TRIM37: variants seen among roughly 807,000 people sequenced by gnomAD.
The protein encoded by TRIM37 is tripartite motif containing 37.
A neutral mutation model predicts 129.8 loss-of-function variants in TRIM37; 80 were observed. That is an observed-to-expected ratio of 0.62 (90% CI 0.51 to 0.74). TRIM37 has a LOEUF of 0.74. Ranked by LOEUF, TRIM37 falls within the 30% of genes least tolerant of loss-of-function variation. TRIM37 has a pLI of 0.00. For missense variants in TRIM37, 1,054 were observed against 1,176.5 expected (o/e 0.90, Z 1.52); for synonymous variants, 389 against 387.1 (o/e 1.00, Z -0.06).
rs2043997139 is a variant in TRIM37 at position 59,088,673 on chromosome 17, A to C, written c.165-266T>G. 2.0e-5 allele frequency among the ~76,000 whole-genome samples: 3 copies of C among 151,946 alleles called. No individual in the cohort carries two copies. The South Asian group carries it at 6.2e-4, about 32-fold the overall frequency. ...CTGGGACTACAGCAGCACACCATCAAACCCAGCTAATTTTAAAATTTTTTG... is the reference window on the plus strand; with the variant it reads ...CTGGGACTACAGCAGCACACCATCACACCCAGCTAATTTTAAAATTTTTTG... On this transcript the variant is annotated intron_variant, in intron 3 of 23. Coordinates refer to ENST00000262294, the MANE Select transcript of TRIM37 (RefSeq NM_015294.6).
At chr17:59,001,872 A>C (rs1306651577) in intron 22 of TRIM37, 158 bp from the exon 23 acceptor site, 5 of 1,009,380 alleles carry the variant, frequency 5.0e-6, no homozygotes, top group Non-Finnish European at 7.3e-6. Context: ...AGACAAAAGT[A>C]ACCGCACAAA....
intron 2 of TRIM37, among the ~76,000 whole-genome samples, chr17:59,103,466 T>G (rs1029095811): frequency 1.4e-5 from 2 of 145,466 alleles, no homozygotes; most frequent in African/African-American, 5.1e-5. Flanking sequence ...CTCAGCCTCC[T>G]GAGTAGCTGG....
At chr17:59,008,199 TCTGGAGGTAAA>T (rs1292095480) in intron 22 of TRIM37, among the ~76,000 whole-genome samples, 1 of 152,196 alleles carries the variant, frequency 6.6e-6, no homozygotes, top group African/African-American at 2.4e-5. Flanking sequence ...ATCCTGGGAC[TCTGGAGGTAAA>T]CAAGCTGTTC....
chr17:59,071,271 G>GT (rs747183880), intron 8 of TRIM37, among the ~76,000 whole-genome samples: 30 of 150,120 alleles, frequency 2.0e-4, no homozygotes, highest in Admixed American at 7.3e-4. Context: ...GAACAAACCG[G>GT]TAAGTTGAAA....
chr17:59,082,159 T>G (rs746420580), intron 5 of TRIM37, among the ~76,000 whole-genome samples: 16 of 151,588 alleles, frequency 1.1e-4, no homozygotes, highest in Non-Finnish European at 2.4e-4. Flanking sequence ...TAATCCCAGC[T>G]ACTCAGGAGG....
chr17:59,027,539 C>G (rs752247401), intron 19 of TRIM37, among the ~76,000 whole-genome samples: 4 of 152,120 alleles, frequency 2.6e-5, no homozygotes, highest in African/African-American at 4.8e-5. Flanking sequence ...GAACAAGCCC[C>G]TCTATCCATT....
intron 20 of TRIM37, among the ~76,000 whole-genome samples, chr17:59,016,326 G>A (rs948769338): frequency 2.0e-5 from 3 of 150,242 alleles, no homozygotes; most frequent in South Asian, 2.1e-4. Flanking sequence ...CACGGCGGGC[G>A]GAGGTTGCGG....
chr17:58,973,373 C>T, the TRIM37 span, among the ~76,000 whole-genome samples: 20 of 149,912 alleles, frequency 1.3e-4, no homozygotes, highest in Admixed American at 2.7e-4. Context: ...GTGGAGATCG[C>T]GCCATTGCAC....
Position 59,106,833 on chromosome 17 carries a change from A to C in TRIM37, c.-372T>G. On this transcript the variant is annotated 5_prime_UTR_variant, in exon 1 of 24. Transcript: ENST00000262294. ...AAGGTGCCGCAGAGAATTCGCAAAC[A>C]CCAACCGTAACCAGAGCAGCTGGGG... The C allele has an allele frequency of 7.2e-6, 3 of 413,806 alleles. No homozygotes were observed. Among genetic ancestry groups the C allele is most frequent in the South Asian group, 2.7e-5 (1 of 37,070 alleles). 25.6% of individuals were successfully genotyped at this position (413,806 alleles called of 1,614,324 possible).
At chr17:59,087,301 G>A (rs1048369594) in intron 4 of TRIM37, among the ~76,000 whole-genome samples, 1 of 151,866 alleles carries the variant, frequency 6.6e-6, no homozygotes, top group South Asian at 2.1e-4. Flanking sequence ...CTCCATGTTG[G>A]CCAGGCTGGT....
chr17:59,091,137 G>A (rs2044264326), intron 3 of TRIM37, among the ~76,000 whole-genome samples, 163 bp downstream of exon 3: 1 of 151,888 alleles, frequency 6.6e-6, no homozygotes, highest in Non-Finnish European at 1.5e-5. Flanking sequence ...ACATGAATTA[G>A]TCCCTGCATT....
Position 59,054,238 on chromosome 17 carries a change from C to G in TRIM37, c.1199+2637G>C, listed in dbSNP as rs2040616010. Among the ~76,000 whole-genome samples the G allele has an allele frequency of 2.0e-5, 3 of 152,282 alleles. No homozygotes were observed. The South Asian group carries it at 6.2e-4, about 32-fold the overall frequency. ...CATATTTTAATCTTTTTTAAATATT[C>G]AAGTTCTTATTTTGATCATCAAATT... On this transcript the variant is annotated intron_variant, in intron 13 of 23. Transcript: ENST00000262294.
intron 22 of TRIM37, among the ~76,000 whole-genome samples, chr17:59,003,741 T>C (rs764493430): frequency 1.3e-5 from 2 of 150,284 alleles, no homozygotes; most frequent in Non-Finnish European, 3.0e-5. Flanking sequence ...CAAACATCAA[T>C]GATGAGATGA....
chr17:58,991,331 T>A lies in TRIM37; in HGVS notation c.2891+8050A>T, dbSNP rs375351631. ...TGGGTGGATCACATGAGGTCAGGAGTTTGAGACCAGCCTGGCCAACATGGT... is the reference window on the plus strand; with the variant it reads ...TGGGTGGATCACATGAGGTCAGGAGATTGAGACCAGCCTGGCCAACATGGT... On this transcript the variant is annotated intron_variant, in intron 24 of 24. Coordinates refer to the TRIM37 transcript ENST00000393066. Among the ~76,000 whole-genome samples, 7 of 151,458 alleles carry A rather than the reference T, an allele frequency of 4.6e-5. No homozygotes were observed. The East Asian group carries it at 1.4e-3, about 30-fold the overall frequency.
In TRIM37 at chr17:59,081,141, GT is replaced by G. The variant is rs1197523487; in HGVS notation, c.447del (p.Lys149AsnfsTer9). The G allele has an allele frequency of 1.9e-6, 3 of 1,613,820 alleles. No individual in the cohort carries two copies. The Admixed American group carries it at 5.0e-5, about 27-fold the overall frequency. ...ATCAGTTCCATGAGACGCCGACGAA[GT>G]TTGGCTACCTCTTCATTCACTTTAG... ...HVTKVNEEVA[K>X]LRRRLMELIS... On this transcript the variant is annotated frameshift_variant, in exon 6 of 24. Coordinates refer to ENST00000262294, the MANE Select transcript of TRIM37 (RefSeq NM_015294.6). LOFTEE classifies it high-confidence loss of function.
At chr17:58,972,843 G>C in the TRIM37 span, 1 of 1,612,860 alleles carries the variant, frequency 6.2e-7, no homozygotes, top group Non-Finnish European at 8.5e-7. Context: ...ATGAAAAGCA[G>C]AGAATTGAGG....
intron 22 of TRIM37, among the ~76,000 whole-genome samples, chr17:59,010,614 T>A (rs1464901116): frequency 6.6e-6 from 1 of 152,090 alleles, no homozygotes; most frequent in Admixed American, 6.6e-5. Context: ...TGCCTCAGCC[T>A]CCCAAGTAGC....
intron 4 of TRIM37, among the ~76,000 whole-genome samples, chr17:59,085,444 A>G (rs969393883): frequency 6.6e-6 from 1 of 152,222 alleles, no homozygotes; most frequent in African/African-American, 2.4e-5. Flanking sequence ...TCCAGTAAGC[A>G]TATGAAAAGA....
chr17:59,017,310 T>C lies in TRIM37; in HGVS notation c.2372A>G (p.Gln791Arg). 1 of 1,614,158 alleles carries C rather than the reference T, an allele frequency of 6.2e-7. No individual in the cohort carries two copies. Among genetic ancestry groups the C allele is most frequent in the Non-Finnish European group, 8.5e-7 (1 of 1,179,992 alleles). Residue 791 changes from glutamine (Q) to arginine (R), a missense_variant, in exon 20 of 24, where the codon CAG (glutamine) becomes CGG (arginine). Coordinates refer to ENST00000262294, the MANE Select transcript of TRIM37 (RefSeq NM_015294.6). ...CTCAAATTTACCTTCAGACAGAGTCTGACAGTCTCCCTTTGAACGACTATT... is the reference window on the plus strand; with the variant it reads ...CTCAAATTTACCTTCAGACAGAGTCCGACAGTCTCCCTTTGAACGACTATT... Reference protein sequence around the residue: ...GENSRSKGDCQTLSEGSPGSS... With the variant: ...GENSRSKGDCRTLSEGSPGSS...
Sources: gnomAD v4.1 joint callset for allele counts (sites outside exome capture counted in the v4.1 genomes callset) on GRCh38, gnomAD v4.1.1 for gene constraint, MANE v1.5 for transcripts, NCBI Gene and HGNC (gene_info 2026-07-23, HGNC 2026-07-21) for gene names.